IL1R1: variants seen among roughly 807,000 people sequenced by gnomAD.
IL1R1 encodes the protein interleukin 1 receptor type 1, also known as interleukin-1 receptor type 1.
IL1R1 carries 22 observed loss-of-function variants against 50.2 expected under a neutral mutation model. That is an observed-to-expected ratio of 0.44 (90% CI 0.31 to 0.63). The LOEUF is 0.63. Among genes scored for constraint, IL1R1 ranks in the 20% least tolerant of loss-of-function variants. The probability of loss-of-function intolerance (pLI) is 0.07; values close to 1 mark genes in which losing one functional copy is unlikely to be tolerated. For missense variants in IL1R1, 509 were observed against 676.2 expected (o/e 0.75, Z 2.74); for synonymous variants, 251 against 236.7 (o/e 1.06, Z -0.55).
chr2:102,083,409 G>A (rs151101368), intron 1 of IL1R1, among the ~76,000 whole-genome samples: 2,990 of 152,142 alleles, frequency 0.02, 44 homozygotes, highest in Non-Finnish European at 0.031. Flanking sequence ...GTATTTCTGG[G>A]TGAAGTAATA....
rs550964686 is a variant in IL1R1 at position 102,079,158 on chromosome 2, A to G, written c.-84+8625A>G. Among the ~76,000 whole-genome samples the G allele has an allele frequency of 2.6e-5, 4 of 152,306 alleles. No individual in the cohort carries two copies. The East Asian group carries it at 7.7e-4, about 29-fold the overall frequency. On this transcript the variant is annotated intron_variant, in intron 1 of 11. Coordinates refer to the IL1R1 transcript ENST00000409929. ...GCATCCAAAAAACCCCACAGCTAAC[A>G]TTATACTTAATGATCAAAGACCAGT...
intron 1 of IL1R1, among the ~76,000 whole-genome samples, chr2:102,080,159 T>C (rs1218376381): frequency 6.6e-6 from 1 of 152,108 alleles, no homozygotes; most frequent in Non-Finnish European, 1.5e-5. Context: ...ATATAAATCT[T>C]TGTGACCTTG....
chr2:102,166,157 C>G lies in IL1R1; in HGVS notation c.531C>G (p.Val177=). ...TTGACAATATACACTTTAGTGGAGTCAAAGATAGGCTCATCGTGATGAATG... is the reference window on the plus strand; with the variant it reads ...TTGACAATATACACTTTAGTGGAGTGAAAGATAGGCTCATCGTGATGAATG... The part of the protein sequence containing the change: ...LLLDNIHFSG[V]KDRLIVMNVA... Residue 177 remains valine (V), a synonymous_variant, in exon 6 of 12, where the codon GTC becomes GTG. Coordinates refer to ENST00000410023, the MANE Select transcript of IL1R1 (RefSeq NM_000877.4). 1 of 1,613,700 alleles carries G rather than the reference C, an allele frequency of 6.2e-7. No homozygotes were observed. Among genetic ancestry groups the G allele is most frequent in the Non-Finnish European group, 8.5e-7 (1 of 1,179,792 alleles).
At chr2:102,083,468 G>A (rs896208816) in intron 1 of IL1R1, among the ~76,000 whole-genome samples, 3 of 152,072 alleles carry the variant, frequency 2.0e-5, no homozygotes, top group African/African-American at 7.2e-5. Flanking sequence ...GAAGTAGCTG[G>A]AATGTCTGAG....
chr2:102,153,221 C>A (rs984908867), intron 1 of IL1R1, among the ~76,000 whole-genome samples: 1 of 152,148 alleles, frequency 6.6e-6, no homozygotes, highest in African/African-American at 2.4e-5. Context: ...TAGTACATTT[C>A]TTTCTGGCAA....
At chr2:102,093,449 C>T (rs538791776) in intron 1 of IL1R1, among the ~76,000 whole-genome samples, 32 of 152,192 alleles carry the variant, frequency 2.1e-4, no homozygotes, top group Non-Finnish European at 3.8e-4. Context: ...TACCATTTTA[C>T]ATTCCCTCCA....
chr2:102,097,640 T>TA (rs1401692818), intron 1 of IL1R1, among the ~76,000 whole-genome samples: 5 of 151,540 alleles, frequency 3.3e-5, no homozygotes, highest in Non-Finnish European at 7.4e-5. Context: ...AAATTTTAGA[T>TA]AAAAAAACAA....
chr2:102,126,167 G>C (rs560046418), intron 1 of IL1R1, among the ~76,000 whole-genome samples: 2 of 152,244 alleles, frequency 1.3e-5, no homozygotes, highest in South Asian at 4.1e-4. Context: ...TATTACCTTA[G>C]CTATAATGTA....
intron 1 of IL1R1, among the ~76,000 whole-genome samples, 186 bp downstream of exon 1, chr2:102,143,206 G>A (rs1440662936): frequency 6.6e-6 from 1 of 152,228 alleles, no homozygotes; most frequent in African/African-American, 2.4e-5. Context: ...CTTGTGTGGA[G>A]CAAGAGTTAA....
At chr2:102,099,465 G>A (rs554487209) in intron 1 of IL1R1, among the ~76,000 whole-genome samples, 3 of 152,218 alleles carry the variant, frequency 2.0e-5, no homozygotes, top group East Asian at 1.9e-4. Context: ...CATGGCCTTC[G>A]TTCCATCTCT....
chr2:102,159,774 A>G (rs1350345850), intron 3 of IL1R1, among the ~76,000 whole-genome samples: 1 of 152,026 alleles, frequency 6.6e-6, no homozygotes, highest in Non-Finnish European at 1.5e-5. Context: ...GGAGCTCCAA[A>G]CCCTCTCTCT....
At chr2:102,151,984 A>G (rs1029661511) in intron 1 of IL1R1, among the ~76,000 whole-genome samples, 3 of 152,018 alleles carry the variant, frequency 2.0e-5, no homozygotes, top group Non-Finnish European at 2.9e-5. Flanking sequence ...GAAGGGGCCG[A>G]TGGGATGGGT....
chr2:102,163,378 A>C (rs2104565329), intron 3 of IL1R1, among the ~76,000 whole-genome samples: 1 of 152,292 alleles, frequency 6.6e-6, no homozygotes, highest in South Asian at 2.1e-4. Context: ...TGTCCTAAGT[A>C]AAATAATTCC....
chr2:102,075,188 A>G (rs1577783771), intron 1 of IL1R1, among the ~76,000 whole-genome samples: 1 of 152,310 alleles, frequency 6.6e-6, no homozygotes, highest in Non-Finnish European at 1.5e-5. Flanking sequence ...GATGGCTTCT[A>G]AACACCCTCC....
At chr2:102,093,992 A>G (rs1035969470) in intron 1 of IL1R1, among the ~76,000 whole-genome samples, 2 of 152,216 alleles carry the variant, frequency 1.3e-5, no homozygotes, top group African/African-American at 4.8e-5. Flanking sequence ...ATACACCATG[A>G]TCTGCCCTGG....
chr2:102,120,085 T>C (rs1244639707), intron 1 of IL1R1, among the ~76,000 whole-genome samples: 1 of 152,182 alleles, frequency 6.6e-6, no homozygotes, highest in Non-Finnish European at 1.5e-5. Flanking sequence ...TGCCTCGGTA[T>C]AATTAATTTT....
chr2:102,154,924 G>A (rs1684032713), intron 2 of IL1R1, among the ~76,000 whole-genome samples: 1 of 152,046 alleles, frequency 6.6e-6, no homozygotes, highest in Non-Finnish European at 1.5e-5. Flanking sequence ...CCTCCTCCAG[G>A]CTGAGTTAGC....
chr2:102,152,913 G>T (rs2192752), intron 1 of IL1R1, among the ~76,000 whole-genome samples: 126,806 of 152,050 alleles, frequency 0.83, 53,306 homozygotes, highest in African/African-American at 0.94. Context: ...GTCAGGCTGT[G>T]TTATTGATGG....
intron 3 of IL1R1, 78 bp from the exon 4 acceptor site, chr2:102,164,695 GT>G: frequency 1.2e-6 from 1 of 837,660 alleles, no homozygotes; most frequent in Non-Finnish European, 1.9e-6. Context: ...AATAATCAAT[GT>G]GTTTCTTCGT....
Sources: allele counts gnomAD v4.1 joint callset (sites outside exome capture counted in the v4.1 genomes callset), GRCh38; gene constraint gnomAD v4.1.1; transcripts MANE v1.5; gene names NCBI Gene and HGNC (gene_info 2026-07-23, HGNC 2026-07-21).